The following PLEKHG1 variants were observed in gnomAD, a reference collection of about 807,000 sequenced individuals.
PLEKHG1 encodes the protein pleckstrin homology domain-containing family G member 1.
In PLEKHG1, 44 loss-of-function variants were observed where a neutral mutation model predicts 100.8. The ratio of observed to expected loss-of-function variants is 0.44; its 90% CI spans 0.34 to 0.56. The LOEUF (loss-of-function observed/expected upper bound fraction) is 0.56, where lower values mean the gene tolerates loss of function less well. PLEKHG1 is among the 20% of genes least tolerant of loss of function. The pLI, the probability that PLEKHG1 is intolerant of heterozygous loss-of-function variation, is 0.01. For missense variants in PLEKHG1, 1,545 were observed against 1,720.9 expected, an observed-to-expected ratio of 0.90 and a Z score of 1.81; for synonymous variants, 640 against 662.5, an observed-to-expected ratio of 0.97 and a Z score of 0.52.
chr6:150,733,083 G>A (rs977559785), intron 1 of PLEKHG1, among the ~76,000 whole-genome samples: 4 of 152,216 alleles, frequency 2.6e-5, no homozygotes, highest in Admixed American at 1.3e-4. Context: ...GAATTATGGT[G>A]AAATACTTAA....
exon 16 of PLEKHG1, chr6:150,841,023 T>C: frequency 1.3e-6 from 1 of 780,000 alleles, no homozygotes; most frequent in South Asian, 1.4e-5. Flanking sequence ...TAAAATATAC[T>C]TTCTTTTACA....
At chr6:150,826,700 C>T (rs1352620158) in intron 14 of PLEKHG1, among the ~76,000 whole-genome samples, 5 of 151,950 alleles carry the variant, frequency 3.3e-5, no homozygotes, top group Admixed American at 6.6e-5. Flanking sequence ...GCTCTGTCAC[C>T]CAGGCTGGAA....
intron 3 of PLEKHG1, among the ~76,000 whole-genome samples, chr6:150,665,706 A>G (rs1489612851): frequency 6.7e-6 from 1 of 150,316 alleles, no homozygotes; most frequent in Non-Finnish European, 1.5e-5. Context: ...TTTTTTTTTC[A>G]GTTTCTTTAC....
chr6:150,770,407 C>A (rs1784666284), intron 3 of PLEKHG1, among the ~76,000 whole-genome samples: 2 of 152,174 alleles, frequency 1.3e-5, no homozygotes, highest in Non-Finnish European at 1.5e-5. Flanking sequence ...GTCAGTGTTA[C>A]AACAGAACTT....
intron 2 of PLEKHG1, among the ~76,000 whole-genome samples, chr6:150,739,410 G>A (rs971763334): frequency 2.0e-5 from 3 of 152,132 alleles, no homozygotes; most frequent in Non-Finnish European, 4.4e-5. Flanking sequence ...GCTCATGCCT[G>A]TAATCCCAGC....
chr6:150,812,337 A>G (rs1787577560), intron 10 of PLEKHG1, among the ~76,000 whole-genome samples: 1 of 152,200 alleles, frequency 6.6e-6, no homozygotes, highest in Non-Finnish European at 1.5e-5. Flanking sequence ...CATCTAAGTG[A>G]TCAGCAAGCG....
intron 2 of PLEKHG1, among the ~76,000 whole-genome samples, chr6:150,755,730 C>T (rs1339380847): frequency 2.6e-5 from 4 of 152,122 alleles, no homozygotes; most frequent in African/African-American, 9.7e-5. Context: ...ACCTTGAGGC[C>T]GATGTGTTTC....
chr6:150,721,907 ATTATT>A (rs1157763412), intron 1 of PLEKHG1, among the ~76,000 whole-genome samples: 24 of 152,196 alleles, frequency 1.6e-4, no homozygotes, highest in African/African-American at 4.8e-4. Context: ...GAATATAAAA[ATTATT>A]TTAATTTAAA....
chr6:150,621,575 A>AT (rs1777302987), intron 1 of PLEKHG1, among the ~76,000 whole-genome samples: 1 of 152,072 alleles, frequency 6.6e-6, no homozygotes, highest in Non-Finnish European at 1.5e-5. Flanking sequence ...GGGTTTCACC[A>AT]TGTTGGCCAG....
At chr6:150,665,777 A>T (rs1273704109) in intron 3 of PLEKHG1, among the ~76,000 whole-genome samples, 1 of 152,122 alleles carries the variant, frequency 6.6e-6, no homozygotes, top group Non-Finnish European at 1.5e-5. Flanking sequence ...AATCAGTGGT[A>T]AAATTCCCAG....
chr6:150,721,473 C>G (rs901492588), intron 1 of PLEKHG1, among the ~76,000 whole-genome samples: 2 of 152,196 alleles, frequency 1.3e-5, no homozygotes, highest in African/African-American at 4.8e-5. Context: ...TGATTTTGCT[C>G]TTTCCTTAAA....
At chr6:150,671,414 C>T (rs958097880) in intron 3 of PLEKHG1, among the ~76,000 whole-genome samples, 4 of 152,170 alleles carry the variant, frequency 2.6e-5, no homozygotes, top group Middle Eastern at 3.2e-3. Context: ...CTTTTTCCTC[C>T]GTCCTAGAGT....
rs1169941951 is a variant in PLEKHG1, at chr6:150,836,247, G to A, written c.3095-3586G>A. Among the ~76,000 whole-genome samples the A allele has an allele frequency of 3.3e-5, 5 of 152,002 alleles. No homozygotes were observed. The East Asian group carries it at 7.7e-4, about 23-fold the overall frequency. The stretch of plus-strand genomic sequence containing the variant: ...CAAAGAATTAGCCAAGCGTGGTGGC[G>A]GGCACCTGTAATCCCAGCTACTCTG... On this transcript the variant is annotated intron_variant, in intron 15 of 15. Transcript: ENST00000358517.
chr6:150,708,429 G>A (rs775058991), intron 3 of PLEKHG1, among the ~76,000 whole-genome samples: 3 of 152,142 alleles, frequency 2.0e-5, no homozygotes, highest in Non-Finnish European at 4.4e-5. Context: ...ATATGTGCCT[G>A]AAAATATCTG....
intron 1 of PLEKHG1, among the ~76,000 whole-genome samples, chr6:150,629,474 T>C (rs774839531): frequency 3.1e-4 from 47 of 152,190 alleles, no homozygotes; most frequent in Non-Finnish European, 5.4e-4. Flanking sequence ...ATCCTTTTTT[T>C]TTTTGAGATG....
At chr6:150,604,883 C>T (rs1330476642) in intron 1 of PLEKHG1, among the ~76,000 whole-genome samples, 1 of 152,146 alleles carries the variant, frequency 6.6e-6, no homozygotes, top group Non-Finnish European at 1.5e-5. Context: ...AGGCCCAAAC[C>T]TCTGAGCAAG....
chr6:150,728,567 C>T (rs1440050228), intron 1 of PLEKHG1, among the ~76,000 whole-genome samples: 1 of 149,984 alleles, frequency 6.7e-6, no homozygotes, highest in Non-Finnish European at 1.5e-5. Context: ...CAGAGTGAGA[C>T]CCTGTTTCAA....
At chr6:150,672,087 T>A (rs149312388) in intron 3 of PLEKHG1, among the ~76,000 whole-genome samples, 36 of 152,194 alleles carry the variant, frequency 2.4e-4, no homozygotes, top group African/African-American at 8.2e-4. Context: ...TGGTGGTCCC[T>A]TGGGCCAAGG....
chr6:150,720,323 C>A (rs191434536), upstream of PLEKHG1, among the ~76,000 whole-genome samples: 20 of 151,896 alleles, frequency 1.3e-4, no homozygotes, highest in East Asian at 3.9e-3. Context: ...AATCAAAAAC[C>A]CAAAATAATT....
Sources: allele counts gnomAD v4.1 joint callset (sites outside exome capture counted in the v4.1 genomes callset), GRCh38; gene constraint gnomAD v4.1.1; transcripts MANE v1.5; gene names NCBI Gene and HGNC (gene_info 2026-07-23, HGNC 2026-07-21).